The following MAP4K4 variants were observed in gnomAD, a reference collection of about 807,000 sequenced individuals.
The protein encoded by MAP4K4 is HPK/GCK-like kinase HGK.
MAP4K4 carries 38 observed loss-of-function variants against 189.6 expected under a neutral mutation model. That is an observed-to-expected ratio of 0.20 (90% CI 0.15 to 0.26). The LOEUF (loss-of-function observed/expected upper bound fraction) is 0.26, where lower values mean the gene tolerates loss of function less well. Ranked by LOEUF, MAP4K4 falls within the 10% of genes least tolerant of loss-of-function variation. The pLI is 1.00. For synonymous variants in MAP4K4, 610 were observed against 624.3 expected, an observed-to-expected ratio of 0.98 and a Z score of 0.34; for missense variants, 1,054 against 1,726.9, an observed-to-expected ratio of 0.61 and a Z score of 6.91.
intron 2 of MAP4K4, among the ~76,000 whole-genome samples, chr2:101,779,581 G>C (rs554023563): frequency 1.7e-4 from 26 of 152,260 alleles, no homozygotes; most frequent in African/African-American, 6.3e-4. Context: ...GCTTTGAGGA[G>C]AGAATTTTCT....
chr2:101,860,450 G>T, intron 15 of MAP4K4: 1 of 186,522 alleles, frequency 5.4e-6, no homozygotes, highest in African/African-American at 2.4e-5. Flanking sequence ...TGTTTGTTCT[G>T]GAGTGCTTTT....
intron 28 of MAP4K4, among the ~76,000 whole-genome samples, chr2:101,882,894 A>G (rs548849970): frequency 6.6e-6 from 1 of 152,182 alleles, no homozygotes; most frequent in South Asian, 2.1e-4. Context: ...CTGTGCACCT[A>G]TATGCATAAC....
At chr2:101,892,843 T>G (rs1370143665) in exon 33 of MAP4K4, 1 of 454,918 alleles carries the variant, frequency 2.2e-6, no homozygotes, top group Non-Finnish European at 4.4e-6. Flanking sequence ...CAAGCTCCCG[T>G]AAGGATATTA....
intron 2 of MAP4K4, among the ~76,000 whole-genome samples, chr2:101,782,492 T>G (rs1177014180): frequency 6.6e-6 from 1 of 152,228 alleles, no homozygotes; most frequent in African/African-American, 2.4e-5. Flanking sequence ...GTGCTTTCTT[T>G]GCCTGCCTGC....
At chr2:101,837,865 G>A (rs568537715) in intron 9 of MAP4K4, among the ~76,000 whole-genome samples, 1 of 152,288 alleles carries the variant, frequency 6.6e-6, no homozygotes, top group East Asian at 1.9e-4. Context: ...GTGGTAGACA[G>A]CAATGAATGC....
intron 7 of MAP4K4, among the ~76,000 whole-genome samples, chr2:101,833,536 C>T (rs922335971): frequency 1.3e-5 from 2 of 151,042 alleles, no homozygotes; most frequent in African/African-American, 2.4e-5. Flanking sequence ...AGGAGAATGG[C>T]GTGAACCCGG....
chr2:101,787,047 T>C (rs745987642), intron 2 of MAP4K4, among the ~76,000 whole-genome samples: 2 of 152,202 alleles, frequency 1.3e-5, no homozygotes, highest in Admixed American at 6.5e-5. Context: ...ATGCTAGGTA[T>C]GTATATTTAA....
intron 27 of MAP4K4, among the ~76,000 whole-genome samples, chr2:101,880,399 C>T (rs1011436705): frequency 6.6e-6 from 1 of 151,782 alleles, no homozygotes; most frequent in African/African-American, 2.4e-5. Flanking sequence ...GATTTATTTT[C>T]TTTTGCCTAT....
intron 3 of MAP4K4, among the ~76,000 whole-genome samples, chr2:101,798,218 A>G (rs1209069960): frequency 6.6e-6 from 1 of 151,890 alleles, no homozygotes; most frequent in East Asian, 1.9e-4. Context: ...CCGCCCTTCT[A>G]ATCATTCCCT....
intron 2 of MAP4K4, among the ~76,000 whole-genome samples, chr2:101,763,497 A>T (rs1266249277): frequency 1.3e-5 from 2 of 152,316 alleles, no homozygotes; most frequent in African/African-American, 4.8e-5. Flanking sequence ...TATTGGGCTT[A>T]TAAGTTTTAA....
chr2:101,864,708 A>C (rs1409359787), intron 17 of MAP4K4, among the ~76,000 whole-genome samples: 1 of 152,208 alleles, frequency 6.6e-6, no homozygotes, highest in African/African-American at 2.4e-5. Flanking sequence ...TTACAGGAGC[A>C]TAGAAAGCCT....
chr2:101,765,199 A>G (rs2078090954), intron 2 of MAP4K4, among the ~76,000 whole-genome samples: 1 of 152,058 alleles, frequency 6.6e-6, no homozygotes, highest in Non-Finnish European at 1.5e-5. Flanking sequence ...AAAAAAAAAA[A>G]GTATGTAGGG....
At chr2:101,772,652 G>A (rs1361770449) in intron 2 of MAP4K4, among the ~76,000 whole-genome samples, 1 of 152,226 alleles carries the variant, frequency 6.6e-6, no homozygotes, top group East Asian at 1.9e-4. Flanking sequence ...CTGGAAAAGT[G>A]TGCATAACAC....
At chr2:101,887,656 A>G in intron 30 of MAP4K4, 122 bp from the exon 31 acceptor site, 1 of 681,556 alleles carries the variant, frequency 1.5e-6, no homozygotes, top group South Asian at 2.4e-5. Flanking sequence ...TGTTAATCTA[A>G]TTGCTGTATT....
intron 2 of MAP4K4, among the ~76,000 whole-genome samples, chr2:101,766,932 C>G (rs1447218757): frequency 6.6e-6 from 1 of 152,148 alleles, no homozygotes; most frequent in Non-Finnish European, 1.5e-5. Flanking sequence ...CGGGCTCTAG[C>G]AAGCAGCTCA....
intron 2 of MAP4K4, among the ~76,000 whole-genome samples, chr2:101,741,227 G>A (rs1401955438): frequency 3.3e-5 from 5 of 149,588 alleles, no homozygotes; most frequent in Admixed American, 3.3e-4. Flanking sequence ...GAGTGCAGTG[G>A]CGTGATCTTG....
At chr2:101,844,158 G>A (rs1214573880) in exon 12 of MAP4K4, 3 of 1,612,816 alleles carry the variant, frequency 1.9e-6, no homozygotes, top group African/African-American at 1.3e-5. Flanking sequence ...TGAGACTGCA[G>A]CAGGAGAACA....
intron 2 of MAP4K4, among the ~76,000 whole-genome samples, chr2:101,736,829 G>A (rs1016027148): frequency 2.0e-5 from 3 of 152,058 alleles, no homozygotes; most frequent in African/African-American, 4.8e-5. Context: ...ACTTAATAAC[G>A]GTTTGTTGAC....
Position 101,861,036 on chromosome 2 carries a change from G to T in MAP4K4, c.1866+50G>T, listed in dbSNP as rs377224422. 2.3e-5 allele frequency: 34 copies of T among 1,506,972 alleles called. 1 individual carries two copies. Among genetic ancestry groups the T allele is most frequent in the Non-Finnish European group, 3.0e-5 (34 of 1,120,590 alleles). 93.4% of individuals were successfully genotyped at this position (1,506,972 alleles called of 1,614,324 possible). On this transcript the variant is annotated intron_variant, in intron 16 of 32. Transcript: ENST00000324219. ...GTTGAGGAGACTCATGCAACGGCTC[G>T]CTGAGCCGCAGGCCTGCTGTAATAT... is the stretch of plus-strand genomic sequence containing the variant.
Sources: gnomAD v4.1 joint callset for allele counts (sites outside exome capture counted in the v4.1 genomes callset) on GRCh38, gnomAD v4.1.1 for gene constraint, MANE v1.5 for transcripts, NCBI Gene and HGNC (gene_info 2026-07-23, HGNC 2026-07-21) for gene names.